The following PHACTR1 variants were observed in gnomAD, a reference collection of about 807,000 sequenced individuals.
The protein encoded by PHACTR1 is RPEL repeat containing 1.
A neutral mutation model predicts 69.2 loss-of-function variants in PHACTR1; 16 were observed. The ratio of observed to expected loss-of-function variants is 0.23; its 90% CI spans 0.16 to 0.35. The LOEUF (loss-of-function observed/expected upper bound fraction) is 0.35, where lower values mean the gene tolerates loss of function less well. PHACTR1 is among the 10% of genes least tolerant of loss of function. PHACTR1 has a pLI of 1.00. For synonymous variants in PHACTR1, 312 were observed against 284.5 expected, an observed-to-expected ratio of 1.10 and a Z score of -0.97; for missense variants, 510 against 734.7, an observed-to-expected ratio of 0.69 and a Z score of 3.54.
At chr6:13,191,357 C>T (rs758779416) in intron 7 of PHACTR1, among the ~76,000 whole-genome samples, 4 of 152,140 alleles carry the variant, frequency 2.6e-5, no homozygotes, top group Non-Finnish European at 4.4e-5. Context: ...ATTATACTCA[C>T]GGGCCCTAGA....
chr6:13,019,807 A>G (rs949633483), intron 4 of PHACTR1, among the ~76,000 whole-genome samples: 6 of 152,256 alleles, frequency 3.9e-5, no homozygotes, highest in Non-Finnish European at 8.8e-5. Context: ...AAGGATCAGT[A>G]CTTGTTTCCT....
rs371379167 is a variant in PHACTR1, at chr6:12,805,469, G to A, written c.250+55679G>A. 3.7e-4 allele frequency among the ~76,000 whole-genome samples: 56 copies of A among 152,116 alleles called. 1 individual carries two copies. The South Asian group carries it at 7.5e-3, about 20-fold the overall frequency. ...GCCTCCACTTAGTCACCTCCCTTTC[G>A]TTGTACTTCCATCTCTGACGTCTGC... is the stretch of plus-strand genomic sequence containing the variant. On this transcript the variant is annotated intron_variant, in intron 4 of 14. Transcript: ENST00000332995.
chr6:12,831,242 G>A (rs747557374), intron 4 of PHACTR1, among the ~76,000 whole-genome samples: 74 of 152,236 alleles, frequency 4.9e-4, no homozygotes, highest in African/African-American at 9.2e-4. Context: ...TTGAAATTAC[G>A]ATGCATTTTT....
At chr6:12,719,239 T>A (rs1344136188) in intron 3 of PHACTR1, among the ~76,000 whole-genome samples, 2 of 152,178 alleles carry the variant, frequency 1.3e-5, no homozygotes, top group East Asian at 3.8e-4. Flanking sequence ...TCCAGCAGGA[T>A]TAGGGGCTCT....
At chr6:12,743,061 G>A (rs1318472431) in intron 3 of PHACTR1, among the ~76,000 whole-genome samples, 1 of 152,042 alleles carries the variant, frequency 6.6e-6, no homozygotes, top group Non-Finnish European at 1.5e-5. Context: ...TCCAATATGT[G>A]CCCAGAATTT....
intron 4 of PHACTR1, among the ~76,000 whole-genome samples, chr6:13,042,810 C>T (rs1229769935): frequency 6.6e-6 from 1 of 152,094 alleles, no homozygotes; most frequent in Non-Finnish European, 1.5e-5. Context: ...CAAAAGAATG[C>T]TTTTAGTATA....
At chr6:12,977,823 T>C (rs1029839837) in intron 4 of PHACTR1, among the ~76,000 whole-genome samples, 1 of 152,232 alleles carries the variant, frequency 6.6e-6, no homozygotes, top group African/African-American at 2.4e-5. Flanking sequence ...TCGCCTGATC[T>C]GTTCCAATGT....
intron 5 of PHACTR1, among the ~76,000 whole-genome samples, chr6:13,096,755 C>T (rs1814322169): frequency 6.6e-6 from 1 of 152,132 alleles, no homozygotes; most frequent in Non-Finnish European, 1.5e-5. Context: ...GCATAGCTTT[C>T]GCAAGTGTTA....
intron 13 of PHACTR1, among the ~76,000 whole-genome samples, chr6:13,284,744 C>T (rs74941053): frequency 0.078 from 11,868 of 151,790 alleles, 746 homozygotes; most frequent in Admixed American, 0.23. Context: ...ATTTATGGCC[C>T]AGGCTGGCTA....
At chr6:13,098,883 A>G (rs1814698452) in intron 5 of PHACTR1, among the ~76,000 whole-genome samples, 1 of 152,184 alleles carries the variant, frequency 6.6e-6, no homozygotes. Flanking sequence ...GCCTCCTATC[A>G]TCTTCCTACA....
intron 4 of PHACTR1, among the ~76,000 whole-genome samples, chr6:12,785,349 G>T (rs937945180): frequency 6.6e-6 from 1 of 152,208 alleles, no homozygotes; most frequent in South Asian, 2.1e-4. Flanking sequence ...TGTGATGGAA[G>T]ATAATAAATG....
chr6:13,143,432 A>G (rs750751220), intron 5 of PHACTR1, among the ~76,000 whole-genome samples: 40 of 152,242 alleles, frequency 2.6e-4, no homozygotes, highest in Non-Finnish European at 4.1e-4. Context: ...ACAAAAACTT[A>G]AAATTTAAAA....
At chr6:12,912,032 C>T (rs569977718) in intron 4 of PHACTR1, among the ~76,000 whole-genome samples, 1 of 152,220 alleles carries the variant, frequency 6.6e-6, no homozygotes, top group African/African-American at 2.4e-5. Flanking sequence ...GAATCTCGCT[C>T]TGTCACCCAG....
intron 5 of PHACTR1, among the ~76,000 whole-genome samples, chr6:13,154,281 C>T (rs138890999): frequency 1.3e-5 from 2 of 152,240 alleles, no homozygotes; most frequent in Admixed American, 1.3e-4. Flanking sequence ...TTTCCTGCCT[C>T]ACCCTCCTGA....
At position 13,272,531 on chromosome 6, in the gene PHACTR1, A is replaced by G. The variant is rs554853806; in HGVS notation, c.1392-329A>G. ...CACAGTCCCCAAGTTAGGAGGCCAC[A>G]AGGAAAGAAAAGGACTTCTGTGAAG... On this transcript the variant is annotated intron_variant, in intron 10 of 14. Transcript: ENST00000332995. The G allele has an allele frequency of 2.8e-5, 13 of 467,890 alleles. No individual in the cohort carries two copies. The Admixed American group carries it at 4.3e-4, about 16-fold the overall frequency. 29.0% of individuals were successfully genotyped at this position (467,890 alleles called of 1,614,324 possible). A position where few individuals can be genotyped will look rare whatever the true frequency, so the allele number is the denominator to read the frequency against.
chr6:13,010,303 T>A (rs1799303051), intron 4 of PHACTR1, among the ~76,000 whole-genome samples: 1 of 152,062 alleles, frequency 6.6e-6, no homozygotes, highest in Non-Finnish European at 1.5e-5. Context: ...AATTTTTGTG[T>A]TTTTAGTAGA....
At chr6:13,027,046 T>G (rs1479582571) in intron 4 of PHACTR1, among the ~76,000 whole-genome samples, 1 of 152,142 alleles carries the variant, frequency 6.6e-6, no homozygotes, top group Non-Finnish European at 1.5e-5. Flanking sequence ...GCTAAATCCA[T>G]AGGTATCACA....
intron 4 of PHACTR1, among the ~76,000 whole-genome samples, chr6:12,974,770 A>G (rs7762881): frequency 0.51 from 77,158 of 152,068 alleles, 22,656 homozygotes; most frequent in African/African-American, 0.81. Context: ...GAGTGCAAGC[A>G]ATATTTTGAG....
chr6:12,954,771 C>T (rs1026072102), intron 4 of PHACTR1, among the ~76,000 whole-genome samples: 1 of 152,236 alleles, frequency 6.6e-6, no homozygotes, highest in Non-Finnish European at 1.5e-5. Context: ...GAGATTACCA[C>T]TTGAATTATG....
Sources: allele counts gnomAD v4.1 joint callset (sites outside exome capture counted in the v4.1 genomes callset), GRCh38; gene constraint gnomAD v4.1.1; transcripts MANE v1.5; gene names NCBI Gene and HGNC (gene_info 2026-07-23, HGNC 2026-07-21).